The following JUP variants were observed in gnomAD, a reference collection of about 807,000 sequenced individuals.
JUP encodes catenin (cadherin-associated protein), gamma 80kDa.
Under a neutral mutation model 71.1 loss-of-function variants are expected in JUP, and 28 were observed. The observed-to-expected ratio is 0.39, with a 90% CI of 0.29 to 0.54. The LOEUF is 0.54. Ranked by LOEUF, JUP falls within the 20% of genes least tolerant of loss-of-function variation. The pLI, the probability that JUP is intolerant of heterozygous loss-of-function variation, is 0.62. For synonymous variants in JUP, 401 were observed against 438.9 expected (o/e 0.91, Z 1.08); for missense variants, 869 against 1,030.1 (o/e 0.84, Z 2.14).
chr17:41,785,815 A>AC (rs35825958), intron 1 of JUP: 34,073 of 150,640 alleles, frequency 0.23, 4,281 homozygotes, highest in East Asian at 0.4. Flanking sequence ...CACAGACCCC[A>AC]CCCCCCAGAC....
rs886052915 is a variant in JUP, at chr17:41,755,308, C to T, written c.*436G>A. On this transcript the variant is annotated 3_prime_UTR_variant, in exon 14 of 14. Transcript: ENST00000393931. Reference sequence around the variant, plus strand: ...GAGCAGAACACTATCCCAAGAAAGACCCTACGGAGGACCTCTGGAGGCGCA... The same window carrying T: ...GAGCAGAACACTATCCCAAGAAAGATCCTACGGAGGACCTCTGGAGGCGCA... The T allele has an allele frequency of 2.0e-5, 8 of 401,324 alleles. No homozygotes were observed. The highest frequency in any genetic ancestry group is 3.5e-5 in the Non-Finnish European group (8 of 228,008). 24.9% of individuals were successfully genotyped at this position (401,324 alleles called of 1,614,324 possible).
At chr17:41,783,653 G>T (rs887391011) in intron 1 of JUP, among the ~76,000 whole-genome samples, 1 of 151,702 alleles carries the variant, frequency 6.6e-6, no homozygotes, top group Non-Finnish European at 1.5e-5. Flanking sequence ...AGGTGAGGTG[G>T]CTCACGCCTG....
chr17:41,774,693 G>A (rs1029988679), intron 1 of JUP, among the ~76,000 whole-genome samples: 32 of 152,300 alleles, frequency 2.1e-4, no homozygotes, highest in Non-Finnish European at 3.1e-4. Flanking sequence ...GGCAGCACTT[G>A]TGGTAGGAAC....
chr17:41,770,372 C>T (rs895496757), intron 2 of JUP, among the ~76,000 whole-genome samples: 8 of 152,188 alleles, frequency 5.3e-5, no homozygotes, highest in Non-Finnish European at 1.2e-4. Context: ...GGTGCCCAAG[C>T]AGCCACACCC....
At chr17:41,772,775 C>G (rs1555607518) in intron 1 of JUP, 1 of 983,756 alleles carries the variant, frequency 1.0e-6, no homozygotes, top group African/African-American at 1.7e-5. Flanking sequence ...GTGGTCACTG[C>G]CGTCAGGAAC....
At position 41,768,923 on chromosome 17, in the gene JUP, A is replaced by G. The variant is rs1555605044; in HGVS notation, c.707+46T>C. ...CTCAGGGAAGGGAGGGGAGAGGCCC[A>G]AGTGAGAGGGGGTCCTGGGCTCATG... On this transcript the variant is annotated intron_variant, in intron 4 of 13. Transcript: ENST00000393931. 5 of 1,445,422 alleles carry G rather than the reference A, an allele frequency of 3.5e-6. No individual in the cohort carries two copies. In the East Asian group the frequency reaches 1.2e-4, roughly 34 times the overall value. 89.5% of individuals were successfully genotyped at this position (1,445,422 alleles called of 1,614,324 possible).
chr17:41,784,519 G>A (rs1306017652), intron 1 of JUP, among the ~76,000 whole-genome samples: 4 of 152,068 alleles, frequency 2.6e-5, no homozygotes, highest in Non-Finnish European at 5.9e-5. Context: ...TAATCATGTA[G>A]CCAACATAAT....
intron 2 of JUP, 43 bp downstream of exon 2, chr17:41,771,604 G>A (rs1555606887): frequency 6.4e-7 from 1 of 1,574,664 alleles, no homozygotes. Flanking sequence ...CCAGGACCCA[G>A]GCAGGTTTTC....
intron 5 of JUP, among the ~76,000 whole-genome samples, chr17:41,765,445 G>A (rs540506371): frequency 3.9e-5 from 6 of 152,124 alleles, no homozygotes; most frequent in South Asian, 4.2e-4. Flanking sequence ...TCCGCCTCCC[G>A]GGTTCAAGCA....
chr17:41,781,910 A>C (rs1555610375), intron 1 of JUP, among the ~76,000 whole-genome samples: 3 of 152,078 alleles, frequency 2.0e-5, no homozygotes, highest in African/African-American at 7.2e-5. Context: ...CTCGGGGGAG[A>C]TGGAAAAACT....
intron 1 of JUP, chr17:41,786,057 G>C (rs1294896038): frequency 3.9e-5 from 6 of 152,244 alleles, no homozygotes; most frequent in Admixed American, 3.9e-4. Context: ...GAAAATGTGC[G>C]CTCGGCCCCC....
rs782745301 is a variant in JUP, at chr17:41,769,154, C to T, written c.522G>A (p.Ala174=). Residue 174 remains alanine, a synonymous_variant, in exon 4 of 14, where the codon GCG becomes GCA. Transcript: ENST00000393931. ...GCGAGCCCATCAGGGCCCGCCGCGA[C>T]GCCTCCTTCTTCGACAGCTGGTTCA... ...MIVNQLSKKE[A]SRRALMGSPQ... 77 of 1,606,276 alleles carry T rather than the reference C, an allele frequency of 4.8e-5. No individual in the cohort carries two copies. Among genetic ancestry groups the T allele is most frequent in the Admixed American group, 8.3e-5 (5 of 60,006 alleles).
chr17:41,756,209 C>G lies in JUP; in HGVS notation c.2052G>C (p.Gln684His), dbSNP rs1567798828. 2 of 1,613,960 alleles carry G rather than the reference C, an allele frequency of 1.2e-6. No homozygotes were observed. The highest frequency in any genetic ancestry group is 2.7e-5 in the African/African-American group (2 of 75,050). ...AGGGCTCATTGATGGGAATCATGCT[C>G]TGGGCCTGAAAAAGGAGAGAGAAAC... ...KHDPAAWEAA[Q>H]SMIPINEPYG... The change falls in exon 13 of 14, where the codon CAG becomes CAC. Residue 684 changes from glutamine (Q) to histidine (H), a missense_variant. Physicochemically the swap from Gln to His is conservative, Grantham distance 24. Transcript: ENST00000393931.
intron 5 of JUP, among the ~76,000 whole-genome samples, chr17:41,765,842 G>C (rs1025437831): frequency 1.3e-5 from 2 of 152,184 alleles, no homozygotes; most frequent in Non-Finnish European, 2.9e-5. Context: ...AAATTGATGA[G>C]AATTTTTTCC....
chr17:41,764,776 G>T lies in JUP; in HGVS notation c.1095C>A (p.Ser365Arg), dbSNP rs1915430789. 6.2e-7 allele frequency: 1 copy of T among 1,613,584 alleles called. No individual in the cohort carries two copies. The highest frequency in any genetic ancestry group is 1.3e-5 in the African/African-American group (1 of 74,884). Residue 365 changes from serine to arginine, a missense_variant, in exon 7 of 14, where the codon AGC (serine) becomes AGA (arginine). By Grantham distance (110) the Ser-to-Arg change is moderately radical. Coordinates refer to ENST00000393931, the MANE Select transcript of JUP (RefSeq NM_002230.4). The part of the protein sequence containing the change: ...QALGKHLTSN[S>R]PRLVQNCLWT... The stretch of plus-strand genomic sequence containing the variant: ...ACAGGCAGTTCTGCACCAGGCGGGG[G>T]CTGTTGCTGGTCAGGTGCTTGCCCA...
intron 5 of JUP, among the ~76,000 whole-genome samples, chr17:41,766,345 A>AG (rs1915709616): frequency 6.6e-6 from 1 of 151,582 alleles, no homozygotes; most frequent in Non-Finnish European, 1.5e-5. Flanking sequence ...AGGAAAGGGG[A>AG]GGGGGAAAGG....
intron 1 of JUP, chr17:41,786,226 T>G (rs1420200474): frequency 6.6e-6 from 1 of 151,984 alleles, no homozygotes; most frequent in Non-Finnish European, 1.5e-5. Flanking sequence ...GACTGCAGCG[T>G]GAGCCCTGGG....
At chr17:41,773,986 C>T (rs1388066752) in intron 1 of JUP, among the ~76,000 whole-genome samples, 1 of 152,220 alleles carries the variant, frequency 6.6e-6, no homozygotes, top group Admixed American at 6.5e-5. Flanking sequence ...TGCATCCCAG[C>T]CAGAGGGCCC....
At chr17:41,783,880 C>A (rs1180478892) in intron 1 of JUP, among the ~76,000 whole-genome samples, 1 of 113,024 alleles carries the variant, frequency 8.8e-6, no homozygotes, top group South Asian at 2.7e-4. Context: ...GGTGACAGAG[C>A]GAGACTCCAT....
Sources: gnomAD v4.1 joint callset for allele counts (sites outside exome capture counted in the v4.1 genomes callset) on GRCh38, gnomAD v4.1.1 for gene constraint, MANE v1.5 for transcripts, NCBI Gene and HGNC (gene_info 2026-07-23, HGNC 2026-07-21) for gene names.